Variants in COL12A1 observed in about 807,000 individuals in gnomAD.
COL12A1 encodes the protein collagen type XII alpha 1 chain, also known as collagen alpha-1(XII) chain.
A neutral mutation model predicts 349.7 loss-of-function variants in COL12A1; 114 were observed. The observed-to-expected ratio is 0.33, with a 90% CI of 0.28 to 0.38. The LOEUF (loss-of-function observed/expected upper bound fraction) is 0.38, where lower values mean the gene tolerates loss of function less well. Ranked by LOEUF, COL12A1 falls within the 10% of genes least tolerant of loss-of-function variation. The pLI is 1.00. For missense variants in COL12A1, 3,284 were observed against 3,756.9 expected (o/e 0.87, Z 3.29); for synonymous variants, 1,369 against 1,329.0 (o/e 1.03, Z -0.66).
At chr6:75,164,438 GC>G (rs2149436855) in intron 14 of COL12A1, among the ~76,000 whole-genome samples, 1 of 152,268 alleles carries the variant, frequency 6.6e-6, no homozygotes, top group African/African-American at 2.4e-5. Context: ...ATGCATGAAT[GC>G]CCAGTCTTTC....
Position 75,105,245 on chromosome 6 carries a change from T to C in COL12A1, c.8226A>G (p.Thr2742=). ...CPAFPNSCTC[T]QDSVGPPGPP... ...GTCCTGGAGGTCCAACGCTGTCCTG[T>C]GTACATGTGCAAGAATTTGGAAAAG... Residue 2742 remains threonine, a synonymous_variant, in exon 54 of 66, where the codon ACA becomes ACG. Transcript: ENST00000322507. 1 of 1,613,870 alleles carries C rather than the reference T, an allele frequency of 6.2e-7. No individual in the cohort carries two copies. Among genetic ancestry groups the C allele is most frequent in the Non-Finnish European group, 8.5e-7 (1 of 1,179,892 alleles).
At chr6:75,162,426 A>G (rs1465117661) in intron 14 of COL12A1, among the ~76,000 whole-genome samples, 2 of 152,240 alleles carry the variant, frequency 1.3e-5, no homozygotes, top group African/African-American at 4.8e-5. Context: ...TCCCTATTTA[A>G]TAAATGGTGT....
Position 75,189,786 on chromosome 6 carries a change from C to G in COL12A1, c.424G>C (p.Val142Leu), listed in dbSNP as rs772461470. The change falls in exon 6 of 66, where the codon GTT (valine) becomes CTT (leucine). Residue 142 changes from valine (V) to leucine (L), a missense_variant. By Grantham distance (32) the Val-to-Leu change is conservative (BLOSUM62 1). Transcript: ENST00000322507. ...KCSVSAWTDL[V>L]FLVDGSWSVG... ...CTCCAAGAGCCATCCACGAGGAAAA[C>G]CAAATCAGTCCAGGCACTGACAGAG... The G allele has an allele frequency of 5.6e-6, 9 of 1,613,022 alleles. No homozygotes were observed. The highest frequency in any genetic ancestry group is 7.6e-6 in the Non-Finnish European group (9 of 1,179,238).
chr6:75,189,657 T>A lies in COL12A1; in HGVS notation c.553A>T (p.Ser185Cys), dbSNP rs1769823295. ...EKTRVGVVQY[S>C]SDTRTEFNLN... ...TTAAATTCAGTCCTGGTATCAGAGC[T>A]GTATTGAACAACTCCAACTCTTGTC... is the stretch of plus-strand genomic sequence containing the variant. The change falls in exon 6 of 66, where the codon AGC (serine) becomes TGC (cysteine). Residue 185 changes from serine (S) to cysteine (C), a missense_variant. Ser to Cys is a moderately radical substitution (Grantham distance 112). Around this residue, in one of 2 missense-constraint regions of COL12A1, gnomAD observed 2,601 missense variants for 2,824.8 expected, o/e 0.92. Transcript: ENST00000322507. 1 of 1,613,434 alleles carries A rather than the reference T, an allele frequency of 6.2e-7. No homozygotes were observed.
chr6:75,099,434 T>C (rs1485949999), intron 58 of COL12A1, among the ~76,000 whole-genome samples: 1 of 152,246 alleles, frequency 6.6e-6, no homozygotes, highest in East Asian at 1.9e-4. Context: ...ATATAGGATG[T>C]TCTTTTTCAT....
chr6:75,191,908 A>G, intron 4 of COL12A1, 148 bp from the exon 5 acceptor site: 2 of 495,082 alleles, frequency 4.0e-6, no homozygotes, highest in Non-Finnish European at 6.8e-6. Context: ...CCAAATAATC[A>G]TTCCCTTACA....
In COL12A1 at chr6:75,113,610, A is replaced by G. The variant is rs767580803; in HGVS notation, c.7832T>C (p.Ile2611Thr). 6 of 1,605,516 alleles carry G rather than the reference A, an allele frequency of 3.7e-6. No individual in the cohort carries two copies. Among genetic ancestry groups the G allele is most frequent in the Non-Finnish European group, 5.1e-6 (6 of 1,174,906 alleles). Residue 2611 changes from isoleucine to threonine, a missense_variant, in exon 50 of 66, where the codon ATT becomes ACT. Coordinates refer to ENST00000322507, the MANE Select transcript of COL12A1 (RefSeq NM_004370.6). Reference protein sequence around the residue: ...DRDYKPQVGVIADPSSKTLSF... With the variant: ...DRDYKPQVGVTADPSSKTLSF... ...AAGATAAAAATTCTTACGATCTGCA[A>G]TCACTCCAACTTGTGGTTTGTAGTC...
rs1022550211 is a variant in COL12A1 at position 75,156,626 on chromosome 6, T to C, written c.2984-103A>G. 11 of 1,064,252 alleles carry C rather than the reference T, an allele frequency of 1.0e-5. No homozygotes were observed. The African/African-American group carries it at 1.3e-4, about 12-fold the overall frequency. The allele number at this position is 1,064,252 out of a possible 1,614,324, so 65.9% of individuals were successfully genotyped here. ...GAAACTCTCTGTGGCTTCTTAAATA[T>C]GTACACTGTTCCATTGCTTAGCATT... On this transcript the variant is annotated intron_variant, in intron 14 of 65. Coordinates refer to ENST00000322507, the MANE Select transcript of COL12A1 (RefSeq NM_004370.6).
At chr6:75,103,858 G>A (rs1300072556) in intron 54 of COL12A1, 48 bp from the exon 55 acceptor site, 2 of 1,461,064 alleles carry the variant, frequency 1.4e-6, no homozygotes, top group Non-Finnish European at 9.4e-7. Flanking sequence ...AAAATAGGAG[G>A]AAGTTGATAT....
At chr6:75,151,822 C>A in intron 20 of COL12A1, 45 bp downstream of exon 20, 1 of 1,563,390 alleles carries the variant, frequency 6.4e-7, no homozygotes, top group Non-Finnish European at 8.7e-7. Context: ...ATATCCTCAG[C>A]ACATTTGTAA....
chr6:75,149,484 C>T (rs1421125209), intron 21 of COL12A1, among the ~76,000 whole-genome samples: 16 of 151,966 alleles, frequency 1.1e-4, no homozygotes, highest in East Asian at 1.9e-4. Flanking sequence ...AACAACCTAC[C>T]GCCTGTGATT....
chr6:75,143,804 A>T (rs2149403451), intron 25 of COL12A1, among the ~76,000 whole-genome samples: 1 of 152,346 alleles, frequency 6.6e-6, no homozygotes, highest in Non-Finnish European at 1.5e-5. Context: ...AGAAAAAAAT[A>T]GTTACAGAGT....
chr6:75,089,214 A>C, intron 63 of COL12A1, 40 bp from the exon 64 acceptor site: 1 of 1,415,146 alleles, frequency 7.1e-7, no homozygotes, highest in Non-Finnish European at 9.8e-7. Flanking sequence ...GGGAAAAATT[A>C]TCTGGAAGCA....
chr6:75,168,319 G>T lies in COL12A1; in HGVS notation c.2711-2540C>A, dbSNP rs572350917. On this transcript the variant is annotated intron_variant, in intron 13 of 65. Transcript: ENST00000322507. ...TAAGTTGTACTCATGACAAGTAAATGTATAGCCCTTGAATTTTTAAAAAAT... is the reference window on the plus strand; with the variant it reads ...TAAGTTGTACTCATGACAAGTAAATTTATAGCCCTTGAATTTTTAAAAAAT... 5.9e-5 allele frequency among the ~76,000 whole-genome samples: 9 copies of T among 152,304 alleles called. No homozygotes were observed. In the East Asian group the frequency reaches 1.7e-3, roughly 29 times the overall value.
At position 75,155,951 on chromosome 6, in the gene COL12A1, G is replaced by C. The variant is rs979604349; in HGVS notation, c.3251-97C>G. The C allele has an allele frequency of 3.2e-5, 42 of 1,294,086 alleles. No homozygotes were observed. The African/African-American group carries it at 5.0e-4, about 15-fold the overall frequency. The allele number at this position is 1,294,086 out of a possible 1,614,324, so 80.2% of individuals were successfully genotyped here. A position where few individuals can be genotyped will look rare whatever the true frequency, so the allele number is the denominator to read the frequency against. On this transcript the variant is annotated intron_variant, in intron 15 of 65. Transcript: ENST00000322507. ...CACAAAAATGCATATCCATAAAAAG[G>C]GTTTAAGTCCGGTAGCACAAAATAG...
intron 53 of COL12A1, among the ~76,000 whole-genome samples, chr6:75,106,161 T>C (rs1562123376): frequency 6.6e-6 from 1 of 152,228 alleles, no homozygotes; most frequent in Admixed American, 6.5e-5. Flanking sequence ...GTAAGTGGTC[T>C]TATCAAACAC....
At chr6:75,125,083 C>A (rs2149375316) in intron 40 of COL12A1, 44 bp downstream of exon 40, 1 of 1,530,654 alleles carries the variant, frequency 6.5e-7, no homozygotes, top group East Asian at 2.4e-5. Context: ...CTGGTAATTT[C>A]TACTACAGTT....
intron 38 of COL12A1, among the ~76,000 whole-genome samples, chr6:75,127,198 C>T (rs539482182): frequency 6.6e-6 from 1 of 152,170 alleles, no homozygotes; most frequent in Non-Finnish European, 1.5e-5. Context: ...ATGCCATTTT[C>T]CCCAGGAAAG....
At chr6:75,200,746 T>C (rs1264291182) in intron 2 of COL12A1, among the ~76,000 whole-genome samples, 1 of 152,170 alleles carries the variant, frequency 6.6e-6, no homozygotes, top group Non-Finnish European at 1.5e-5. Context: ...TAATTTATCC[T>C]GTTTCTTTTT....
Sources: allele counts gnomAD v4.1 joint callset (sites outside exome capture counted in the v4.1 genomes callset), GRCh38; gene constraint gnomAD v4.1.1; regional missense constraint gnomAD v4.1.1; transcripts MANE v1.5; gene names NCBI Gene and HGNC (gene_info 2026-07-23, HGNC 2026-07-21).